The following VPS53 variants were observed in gnomAD, a reference collection of about 807,000 sequenced individuals.
The protein encoded by VPS53 is VPS53 subunit of GARP complex.
Under a neutral mutation model 107.0 loss-of-function variants are expected in VPS53, and 70 were observed. The observed-to-expected ratio is 0.65, with a 90% CI of 0.54 to 0.80. The LOEUF (loss-of-function observed/expected upper bound fraction) is 0.80. Among genes scored for constraint, VPS53 ranks in the 30% least tolerant of loss-of-function variants. The probability of loss-of-function intolerance (pLI) is 0.00; values close to 1 mark genes in which losing one functional copy is unlikely to be tolerated. For synonymous variants in VPS53, 409 were observed against 393.3 expected, an observed-to-expected ratio of 1.04 and a Z score of -0.47; for missense variants, 917 against 1,049.4, an observed-to-expected ratio of 0.87 and a Z score of 1.74.
rs1489895345 is a variant in VPS53, at chr17:653,281, G to A, written c.608+10C>T. On this transcript the variant is annotated intron_variant, in intron 7 of 21. Coordinates refer to ENST00000437048, the MANE Select transcript of VPS53 (RefSeq NM_001128159.3). ...AATCCCCATATACTTTCCCTCTGGTGACAGTTTACCTTTCGGAAAGCTGCC... is the reference window on the plus strand; with the variant it reads ...AATCCCCATATACTTTCCCTCTGGTAACAGTTTACCTTTCGGAAAGCTGCC... The A allele has an allele frequency of 3.7e-6, 6 of 1,612,550 alleles. No homozygotes were observed. The East Asian group carries it at 1.3e-4, about 36-fold the overall frequency.
chr17:514,396 TC>T lies in VPS53; in HGVS notation c.*4731del, dbSNP rs1908147488. ...TCCAGCAGGTTATTCCGAGTGCTCTTCCTAGGTAAGGAATCCCATTTCCAGC... is the reference window on the plus strand; with the variant it reads ...TCCAGCAGGTTATTCCGAGTGCTCTTCTAGGTAAGGAATCCCATTTCCAGC... On this transcript the variant is annotated 3_prime_UTR_variant, in exon 22 of 22. Transcript: ENST00000437048. The T allele has an allele frequency of 6.7e-6, 1 of 150,030 alleles. No homozygotes were observed. The highest frequency in any genetic ancestry group is 1.5e-5 in the Non-Finnish European group (1 of 67,472). The allele number at this position is 150,030 out of a possible 1,614,324, so 9.3% of individuals were successfully genotyped here. A position where few individuals can be genotyped will look rare whatever the true frequency, so the allele number is the denominator to read the frequency against.
intron 13 of VPS53, among the ~76,000 whole-genome samples, chr17:565,403 C>CAAAA (rs535932031): frequency 8.1e-4 from 67 of 82,344 alleles, no homozygotes; most frequent in Non-Finnish European, 1.2e-3. Context: ...AACCCCATCT[C>CAAAA]AAAAAAAAAA....
intron 4 of VPS53, among the ~76,000 whole-genome samples, chr17:683,176 C>T (rs1405270378): frequency 6.6e-6 from 1 of 152,036 alleles, no homozygotes; most frequent in Non-Finnish European, 1.5e-5. Flanking sequence ...TGTTCTAAAA[C>T]ACATGTAAGT....
At chr17:620,568 G>A (rs1261848106) in intron 11 of VPS53, among the ~76,000 whole-genome samples, 2 of 152,098 alleles carry the variant, frequency 1.3e-5, no homozygotes, top group African/African-American at 2.4e-5. Context: ...TACTTCCTAT[G>A]GCTGATGAAG....
At chr17:526,271 CCTA>C (rs1368582404) in intron 19 of VPS53, among the ~76,000 whole-genome samples, 1 of 152,016 alleles carries the variant, frequency 6.6e-6, no homozygotes, top group Non-Finnish European at 1.5e-5. Context: ...GGAGATATTT[CCTA>C]CTTTTCTACT....
At chr17:566,511 G>A (rs1913525910) in intron 13 of VPS53, among the ~76,000 whole-genome samples, 1 of 152,134 alleles carries the variant, frequency 6.6e-6, no homozygotes, top group Non-Finnish European at 1.5e-5. Context: ...TCATGCTAGT[G>A]CTCGATACAT....
chr17:598,490 G>A (rs564677029), intron 12 of VPS53, among the ~76,000 whole-genome samples: 44 of 151,550 alleles, frequency 2.9e-4, no homozygotes, highest in Non-Finnish European at 5.8e-4. Flanking sequence ...GTCTCCGCCC[G>A]GCCGCCATCC....
At position 706,635 on chromosome 17, in the gene VPS53, T is replaced by C. The variant is rs562563657; in HGVS notation, c.168+3898A>G. ...TTAACTATCAAGATAGACTATGAAG[T>C]CTGTGTTGGTAGACTATATCTGTCT... On this transcript the variant is annotated intron_variant, in intron 2 of 21. Transcript: ENST00000437048. Among the ~76,000 whole-genome samples the C allele has an allele frequency of 5.3e-5, 8 of 152,216 alleles. No individual in the cohort carries two copies. In the South Asian group the frequency reaches 1.7e-3, roughly 32 times the overall value.
chr17:540,978 G>T (rs976735577), intron 17 of VPS53, among the ~76,000 whole-genome samples: 5 of 152,170 alleles, frequency 3.3e-5, no homozygotes, highest in African/African-American at 1.2e-4. Context: ...AGTGGATCTT[G>T]TTTTTTCCTA....
intron 5 of VPS53, among the ~76,000 whole-genome samples, chr17:657,911 C>T (rs140427286): frequency 0.02 from 3,036 of 150,714 alleles, 93 homozygotes; most frequent in African/African-American, 0.07. Flanking sequence ...GTGAGAAACT[C>T]GGCCGTGAGT....
chr17:594,457 G>GC (rs1022423258), intron 12 of VPS53, among the ~76,000 whole-genome samples: 33 of 149,722 alleles, frequency 2.2e-4, no homozygotes, highest in African/African-American at 8.2e-4. Flanking sequence ...GCACTCTAGT[G>GC]CCCCCCCTGG....
chr17:660,043 G>A (rs538152236), intron 5 of VPS53, among the ~76,000 whole-genome samples: 2 of 152,252 alleles, frequency 1.3e-5, no homozygotes, highest in South Asian at 4.1e-4. Context: ...TGACTTACAC[G>A]AGACCACCTG....
intron 2 of VPS53, among the ~76,000 whole-genome samples, chr17:706,530 A>G (rs1351096450): frequency 4.7e-5 from 7 of 149,716 alleles, no homozygotes; most frequent in African/African-American, 1.5e-4. Context: ...AGTGAGACTC[A>G]GTCTCAAAAA....
At chr17:642,417 A>G (rs576610684) in intron 7 of VPS53, among the ~76,000 whole-genome samples, 1 of 151,642 alleles carries the variant, frequency 6.6e-6, no homozygotes, top group South Asian at 2.1e-4. Context: ...GACAACACTC[A>G]TACTTGGAAA....
chr17:611,766 TCA>T (rs1269965462), intron 11 of VPS53, among the ~76,000 whole-genome samples: 2 of 151,848 alleles, frequency 1.3e-5, no homozygotes, highest in Non-Finnish European at 2.9e-5. Context: ...GTACAAATAT[TCA>T]CATAGTGAGT....
intron 10 of VPS53, 87 bp from the exon 11 acceptor site, chr17:623,761 G>GAA (rs796918052): frequency 3.6e-5 from 45 of 1,253,128 alleles, no homozygotes; most frequent in Non-Finnish European, 4.0e-5. Context: ...CTTATATTCA[G>GAA]AAAAAAAAAA....
intron 4 of VPS53, among the ~76,000 whole-genome samples, chr17:682,283 C>A (rs1199475751): frequency 6.6e-6 from 1 of 152,166 alleles, no homozygotes; most frequent in Non-Finnish European, 1.5e-5. Flanking sequence ...ATGAAACCCG[C>A]TGATCAGCTG....
chr17:675,223 A>G (rs1424509987), intron 4 of VPS53: 1 of 152,210 alleles, frequency 6.6e-6, no homozygotes, highest in Admixed American at 6.5e-5. Flanking sequence ...ATCTCTAAAG[A>G]CTAGAATCTC....
At chr17:529,477 G>T (rs1421799406) in intron 19 of VPS53, among the ~76,000 whole-genome samples, 1 of 151,882 alleles carries the variant, frequency 6.6e-6, no homozygotes, top group Non-Finnish European at 1.5e-5. Flanking sequence ...AATTAGGATT[G>T]AATTCTATCT....
Sources: gnomAD v4.1 joint callset for allele counts (sites outside exome capture counted in the v4.1 genomes callset) on GRCh38, gnomAD v4.1.1 for gene constraint, MANE v1.5 for transcripts, NCBI Gene and HGNC (gene_info 2026-07-23, HGNC 2026-07-21) for gene names.